WWOX: variants seen among roughly 807,000 people sequenced by gnomAD.
The protein encoded by WWOX is WW domain containing oxidoreductase, also known as WW domain-containing oxidoreductase.
Under a neutral mutation model 46.2 loss-of-function variants are expected in WWOX, and 69 were observed. That is an observed-to-expected ratio of 1.49 (90% CI 1.23 to 1.82). WWOX has a LOEUF of 1.82. Ranked by LOEUF, WWOX falls within the 40% of genes most tolerant of loss-of-function variation. WWOX has a pLI of 0.00. For synonymous variants in WWOX, 359 were observed against 202.6 expected, an observed-to-expected ratio of 1.77 and a Z score of -6.56; for missense variants, 919 against 542.6, an observed-to-expected ratio of 1.69 and a Z score of -6.89.
intron 5 of WWOX, among the ~76,000 whole-genome samples, chr16:78,289,236 AT>A (rs926811017): frequency 5.3e-5 from 8 of 152,242 alleles, no homozygotes; most frequent in African/African-American, 1.4e-4. Flanking sequence ...AGAGCTAATG[AT>A]TTTTTAAGGC....
chr16:78,578,284 A>ATATATATATATATATATATTTTTT (rs1555567122), intron 8 of WWOX, among the ~76,000 whole-genome samples: 3 of 20,838 alleles, frequency 1.4e-4, no homozygotes, highest in African/African-American at 2.3e-4. Flanking sequence ...ATATATATAT[A>ATATATATATATATATATATTTTTT]TTTTTTTTTT....
chr16:78,102,307 C>G (rs573891251), intron 1 of WWOX, among the ~76,000 whole-genome samples: 31 of 152,232 alleles, frequency 2.0e-4, no homozygotes, highest in African/African-American at 7.5e-4. Flanking sequence ...CATGGCCTGT[C>G]CAGGGGCCTG....
At chr16:79,210,309 A>G (rs2051682045) in intron 8 of WWOX, among the ~76,000 whole-genome samples, 1 of 152,128 alleles carries the variant, frequency 6.6e-6, no homozygotes, top group African/African-American at 2.4e-5. Flanking sequence ...CTTCCTTGGG[A>G]CCCTATTTCT....
chr16:78,506,728 T>TTTTTTTTTTG lies in WWOX; in HGVS notation c.1056+73976_1056+73977insTTTTTTTTTG, dbSNP rs1330915138. 1.5e-4 allele frequency among the ~76,000 whole-genome samples: 14 copies of TTTTTTTTTTG among 93,622 alleles called. 1 individual carries two copies. Among genetic ancestry groups the TTTTTTTTTTG allele is most frequent in the African/African-American group, 3.1e-4 (8 of 25,520 alleles). The allele number at this position is 93,622 out of a possible 152,430, so 61.4% of individuals were successfully genotyped here. On this transcript the variant is annotated intron_variant, in intron 8 of 8. Transcript: ENST00000566780. ...TTTTTTTTTTTTTTTTTTTTTTTTT[T>TTTTTTTTTTG]GTACAGAGTCTTGCTCTGTTGTCCA...
intron 6 of WWOX, among the ~76,000 whole-genome samples, chr16:78,421,536 G>A (rs777058175): frequency 4.6e-5 from 7 of 152,126 alleles, no homozygotes; most frequent in Non-Finnish European, 1.0e-4. Flanking sequence ...AAATAAGGTC[G>A]CATTCACAGA....
chr16:78,684,604 ACCTCACAGAACACTCCACCGTC>A (rs1165540739), intron 8 of WWOX, among the ~76,000 whole-genome samples: 3 of 152,128 alleles, frequency 2.0e-5, no homozygotes, highest in African/African-American at 7.2e-5. Flanking sequence ...GCCATGTGGG[ACCTCACAGAACACTCCACCGTC>A]CCTGCTAATG....
Position 78,529,727 on chromosome 16 carries a change from A to T in WWOX, c.1056+96975A>T, listed in dbSNP as rs540215762. On this transcript the variant is annotated intron_variant, in intron 8 of 8. Transcript: ENST00000566780. Reference sequence around the variant, plus strand: ...CGTGATCCACCCACCTCGGCCTCCCAAAGTGCTGGGATTATAGGTGTGAGC... The same window carrying T: ...CGTGATCCACCCACCTCGGCCTCCCTAAGTGCTGGGATTATAGGTGTGAGC... Among the ~76,000 whole-genome samples, 153 of 152,094 alleles carry T rather than the reference A, an allele frequency of 1.0e-3. 1 individual carries two copies. The highest frequency in any genetic ancestry group is 1.0e-2 in the Admixed American group (152 of 15,276).
At chr16:78,628,759 T>G (rs1312561763) in intron 8 of WWOX, among the ~76,000 whole-genome samples, 1 of 152,180 alleles carries the variant, frequency 6.6e-6, no homozygotes, top group Non-Finnish European at 1.5e-5. Context: ...AAATGAATTA[T>G]GAAAGGAAGA....
At chr16:78,269,448 T>C (rs2079431854) in intron 5 of WWOX, among the ~76,000 whole-genome samples, 1 of 152,146 alleles carries the variant, frequency 6.6e-6, no homozygotes, top group Admixed American at 6.5e-5. Flanking sequence ...GCCATTCTGG[T>C]TTGACTGTGC....
intron 5 of WWOX, among the ~76,000 whole-genome samples, chr16:78,208,755 A>G (rs1872371694): frequency 6.6e-6 from 1 of 152,236 alleles, no homozygotes; most frequent in African/African-American, 2.4e-5. Context: ...TGTAAATGAT[A>G]TCTTTGTAAT....
chr16:78,158,274 A>G (rs1204826710), intron 4 of WWOX, among the ~76,000 whole-genome samples: 4 of 152,198 alleles, frequency 2.6e-5, no homozygotes, highest in Non-Finnish European at 5.9e-5. Context: ...TCTTGTAAAC[A>G]ATAATTTATG....
At chr16:78,587,850 G>C (rs2045253853) in intron 8 of WWOX, among the ~76,000 whole-genome samples, 1 of 152,124 alleles carries the variant, frequency 6.6e-6, no homozygotes, top group Non-Finnish European at 1.5e-5. Flanking sequence ...CCAATTCCTT[G>C]CTGTCAGGAA....
intron 8 of WWOX, among the ~76,000 whole-genome samples, chr16:78,730,382 C>G (rs928352979): frequency 1.3e-5 from 2 of 151,978 alleles, no homozygotes; most frequent in Admixed American, 1.3e-4. Context: ...CTGGGATGTA[C>G]CAGGCACACT....
At chr16:78,989,344 C>T (rs1370112951) in intron 8 of WWOX, among the ~76,000 whole-genome samples, 1 of 152,174 alleles carries the variant, frequency 6.6e-6, no homozygotes. Context: ...GTCTGATGAA[C>T]TCATCTTTGC....
intron 8 of WWOX, among the ~76,000 whole-genome samples, chr16:78,900,372 A>T (rs1271097352): frequency 6.6e-6 from 1 of 152,196 alleles, no homozygotes; most frequent in Admixed American, 6.5e-5. Context: ...TCATATTATT[A>T]AAAACTGTGC....
At chr16:79,133,983 G>A (rs1169897970) in intron 8 of WWOX, among the ~76,000 whole-genome samples, 3 of 152,172 alleles carry the variant, frequency 2.0e-5, no homozygotes, top group Non-Finnish European at 4.4e-5. Context: ...GAGCAAATAT[G>A]TGAGCCAGGA....
chr16:79,110,148 G>C (rs1158637771), intron 8 of WWOX, among the ~76,000 whole-genome samples: 4 of 152,060 alleles, frequency 2.6e-5, no homozygotes, highest in African/African-American at 4.8e-5. Flanking sequence ...GGCTGTTTGG[G>C]GGCTCTCTTT....
rs576396383 is a variant in WWOX, at chr16:78,419,897, A to T, written c.606-4973A>T. Among the ~76,000 whole-genome samples, 58 of 152,272 alleles carry T rather than the reference A, an allele frequency of 3.8e-4. No homozygotes were observed. The South Asian group carries it at 0.012, about 31-fold the overall frequency. ...GAAATACTTACAAATTAAATATTAA[A>T]TAAGGGATTTGTATCTAGAATAAAG... On this transcript the variant is annotated intron_variant, in intron 6 of 8. Coordinates refer to ENST00000566780, the MANE Select transcript of WWOX (RefSeq NM_016373.4).
At chr16:78,713,774 G>T (rs973359745) in intron 8 of WWOX, among the ~76,000 whole-genome samples, 2 of 152,168 alleles carry the variant, frequency 1.3e-5, no homozygotes, top group African/African-American at 4.8e-5. Flanking sequence ...AATTTCTGTT[G>T]TTTAAGCCAC....
Sources: gnomAD v4.1 joint callset for allele counts (sites outside exome capture counted in the v4.1 genomes callset) on GRCh38, gnomAD v4.1.1 for gene constraint, MANE v1.5 for transcripts, NCBI Gene and HGNC (gene_info 2026-07-23, HGNC 2026-07-21) for gene names.